TRIM5: variants seen among roughly 807,000 people sequenced by gnomAD.
The protein encoded by TRIM5 is tripartite motif-containing protein 5.
A neutral mutation model predicts 35.6 loss-of-function variants in TRIM5; 31 were observed. That is an observed-to-expected ratio of 0.87 (90% CI 0.65 to 1.18). The LOEUF is 1.18. TRIM5 is among the 50% of genes most tolerant of loss of function. TRIM5 has a pLI of 0.00. For synonymous variants in TRIM5, 243 were observed against 215.6 expected (o/e 1.13, Z -1.11); for missense variants, 609 against 591.6 (o/e 1.03, Z -0.31).
the TRIM5 span, among the ~76,000 whole-genome samples, chr11:5,597,609 T>C: frequency 6.6e-6 from 1 of 152,182 alleles, no homozygotes; most frequent in African/African-American, 2.4e-5. Context: ...CTGCCACCTA[T>C]TTTATTCCAC....
chr11:5,638,303 T>G, the TRIM5 span, among the ~76,000 whole-genome samples: 1 of 152,166 alleles, frequency 6.6e-6, no homozygotes. Context: ...GAAATGAGAA[T>G]TAATAGGCAC....
At chr11:5,594,227 A>G in the TRIM5 span, among the ~76,000 whole-genome samples, 1 of 152,218 alleles carries the variant, frequency 6.6e-6, no homozygotes, top group Non-Finnish European at 1.5e-5. Context: ...GAGAAATTAT[A>G]GAGAAAATAA....
chr11:5,675,791 G>A (rs1407328665), intron 4 of TRIM5, among the ~76,000 whole-genome samples: 20 of 140,542 alleles, frequency 1.4e-4, no homozygotes, highest in South Asian at 2.4e-4. Context: ...ATGCTGGTGC[G>A]CTGCACCCAC....
At chr11:5,659,134 T>G (rs2133995979), downstream of TRIM5, among the ~76,000 whole-genome samples, 1 of 151,352 alleles carries the variant, frequency 6.6e-6, no homozygotes, top group South Asian at 2.1e-4. Flanking sequence ...ACATGTACCC[T>G]AGAACTTAAA....
At chr11:5,599,228 A>G in the TRIM5 span, among the ~76,000 whole-genome samples, 7 of 152,180 alleles carry the variant, frequency 4.6e-5, no homozygotes, top group Non-Finnish European at 1.0e-4. Flanking sequence ...GTTTGGGACT[A>G]TTACTACATT....
the TRIM5 span, among the ~76,000 whole-genome samples, chr11:5,601,555 C>T: frequency 3.9e-5 from 6 of 152,024 alleles, no homozygotes; most frequent in Non-Finnish European, 5.9e-5. Flanking sequence ...GTCAGGAGTT[C>T]GAGATCAGCC....
Position 5,683,806 on chromosome 11 carries a change from A to G in TRIM5, c.-62+1062T>C, listed in dbSNP as rs142057435. On this transcript the variant is annotated intron_variant, in intron 1 of 7. Transcript: ENST00000380034. ...ACTCGGCTCTCTGTAAAATGGACCA[A>G]TCAGGAGGATGTGGGTGGGGCCAGA... Among the ~76,000 whole-genome samples the G allele has an allele frequency of 4.6e-3, 706 of 152,286 alleles. 8 individuals are homozygous for G. The highest frequency in any genetic ancestry group is 0.016 in the African/African-American group (653 of 41,548).
the TRIM5 span, chr11:5,605,619 ACTTTC>A: frequency 6.5e-7 from 1 of 1,544,448 alleles, no homozygotes; most frequent in Admixed American, 2.2e-5. Context: ...AGAGAAACTA[ACTTTC>A]CTTCCTTTCT....
the TRIM5 span, among the ~76,000 whole-genome samples, chr11:5,647,717 T>G: frequency 6.6e-6 from 1 of 152,148 alleles, no homozygotes. Flanking sequence ...AAGAGGGGAT[T>G]TCACTACGTT....
chr11:5,619,852 A>T, the TRIM5 span: 1 of 147,278 alleles, frequency 6.8e-6, no homozygotes. Context: ...ACAGGCGCCC[A>T]CCACCATGCC....
At chr11:5,610,245 G>A in the TRIM5 span, 1 of 1,614,112 alleles carries the variant, frequency 6.2e-7, no homozygotes, top group South Asian at 1.1e-5. Flanking sequence ...AGTGTGTAGA[G>A]GTAAGGAGAT....
the TRIM5 span, chr11:5,610,314 G>A: frequency 3.1e-6 from 5 of 1,605,762 alleles, no homozygotes; most frequent in East Asian, 4.5e-5. Flanking sequence ...ACGGGATAGA[G>A]GCTATAGTCG....
chr11:5,618,895 G>T, the TRIM5 span, among the ~76,000 whole-genome samples: 1 of 152,212 alleles, frequency 6.6e-6, no homozygotes. Context: ...AGCTAAAACC[G>T]TGACTTATTT....
chr11:5,642,249 T>C, the TRIM5 span, among the ~76,000 whole-genome samples: 1 of 152,152 alleles, frequency 6.6e-6, no homozygotes, highest in African/African-American at 2.4e-5. Flanking sequence ...TCACATTTCT[T>C]CTGGATCCAG....
At chr11:5,613,630 C>G in the TRIM5 span, among the ~76,000 whole-genome samples, 1 of 152,202 alleles carries the variant, frequency 6.6e-6, no homozygotes, top group Non-Finnish European at 1.5e-5. Context: ...CCCCTTCCCA[C>G]TTATTTTCCC....
chr11:5,592,894 G>C, the TRIM5 span, among the ~76,000 whole-genome samples: 3 of 137,104 alleles, frequency 2.2e-5, no homozygotes, highest in Non-Finnish European at 3.0e-5. Context: ...GCCAGCCTGG[G>C]CAACAGAGTG....
the TRIM5 span, among the ~76,000 whole-genome samples, chr11:5,623,626 C>A: frequency 6.6e-6 from 1 of 151,664 alleles, no homozygotes; most frequent in Middle Eastern, 3.2e-3. Context: ...GTGATCCGCC[C>A]GCCTCAACCT....
intron 4 of TRIM5, among the ~76,000 whole-genome samples, chr11:5,668,654 T>G (rs1486442485): frequency 2.6e-5 from 4 of 152,142 alleles, no homozygotes; most frequent in African/African-American, 9.7e-5. Flanking sequence ...TTCACCATGT[T>G]GGTCAGGCTG....
chr11:5,669,174 G>GGTTCAAGCGATTCTCCTGC (rs1564910887), intron 4 of TRIM5, among the ~76,000 whole-genome samples: 1 of 151,248 alleles, frequency 6.6e-6, no homozygotes, highest in African/African-American at 2.4e-5. Context: ...CCACCTCCTG[G>GGTTCAAGCGATTCTCCTGC]GTTCAAGCGA....
Sources: allele counts gnomAD v4.1 joint callset (sites outside exome capture counted in the v4.1 genomes callset), GRCh38; gene constraint gnomAD v4.1.1; transcripts MANE v1.5; gene names NCBI Gene and HGNC (gene_info 2026-07-23, HGNC 2026-07-21).